The following PPEF1 variants were observed in gnomAD, a reference collection of about 807,000 sequenced individuals.
The protein encoded by PPEF1 is protein phosphatase with EF-hand domain 1.
PPEF1 carries 12 observed loss-of-function variants against 53.3 expected under a neutral mutation model. That is an observed-to-expected ratio of 0.23 (90% confidence interval 0.14 to 0.36). The LOEUF (loss-of-function observed/expected upper bound fraction) is 0.36, where lower values mean the gene tolerates loss of function less well. PPEF1 is among the 10% of genes least tolerant of loss of function. The pLI is 1.00. For missense variants in PPEF1, 334 were observed against 490.4 expected (o/e 0.68, Z 3.01); for synonymous variants, 165 against 176.7 (o/e 0.93, Z 0.52).
upstream of PPEF1, among the ~76,000 whole-genome samples, chrX:18,678,128 C>CAA (rs57502489): frequency 7.6e-3 from 257 of 33,733 alleles, 13 homozygotes; most frequent in African/African-American, 0.032. Context: ...GAGAACCTGG[C>CAA]AAAAAAAAAA....
intron 10 of PPEF1, among the ~76,000 whole-genome samples, chrX:18,795,630 G>A (rs147174224): frequency 0.022 from 2,494 of 111,378 alleles, 61 homozygotes; most frequent in African/African-American, 0.076. Context: ...GAAATTTAGC[G>A]TTTTTCTAAA....
chrX:18,798,796 G>A (rs1037151247), intron 10 of PPEF1, among the ~76,000 whole-genome samples: 39 of 110,583 alleles, frequency 3.5e-4, no homozygotes, highest in Non-Finnish European at 7.6e-5. Context: ...GCTAATTTTT[G>A]TAGTTTTAGT....
At position 18,714,269 on chromosome X, in the gene PPEF1, G is replaced by GTTTTTTTT. The variant is rs752286222; in HGVS notation, c.46+6450_46+6451insTTTTTTTT. Among the ~76,000 whole-genome samples the GTTTTTTTT allele has an allele frequency of 2.9e-4, 18 of 61,938 alleles. 5 individuals carry two copies. The highest frequency in any genetic ancestry group is 3.5e-4 in the Non-Finnish European group (10 of 28,446). The allele number at this position is 61,938 out of a possible 115,157, so 53.8% of individuals were successfully genotyped here. A position where few individuals can be genotyped will look rare whatever the true frequency, so the allele number is the denominator to read the frequency against. On this transcript the variant is annotated intron_variant, in intron 1 of 15. Transcript: ENST00000470157. ...GTGGTACTTGGTAAGTTTGTTTTTCGTTTTTTTGTTTTTTTTTTTTGAGAT... is the reference window on the plus strand; with the variant it reads ...GTGGTACTTGGTAAGTTTGTTTTTCGTTTTTTTTTTTTTTTGTTTTTTTTTTTTGAGAT...
chrX:18,771,855 CTGTA>C (rs1390414802), intron 6 of PPEF1, among the ~76,000 whole-genome samples: 1 of 111,735 alleles, frequency 8.9e-6, no homozygotes, highest in Admixed American at 9.6e-5. Flanking sequence ...TAGCTCATGC[CTGTA>C]ATCCTAGCAC....
rs1569242348 is a variant in PPEF1, at chrX:18,700,243, GTGT to G, written c.-225-89_-225-87del. On this transcript the variant is annotated intron_variant, in intron 5 of 21. Coordinates refer to the PPEF1 transcript ENST00000361511. The stretch of plus-strand genomic sequence containing the variant: ...AAGAGCTCTCTCTGCAGAGTGGGGT[GTGT>G]GTGTGTGTGTGTGTGTGTGTGTGTG... The G allele has an allele frequency of 7.9e-5, 3 of 38,181 alleles. No individual in the cohort carries two copies. The East Asian group carries it at 1.9e-3, about 25-fold the overall frequency. The allele number at this position is 38,181 out of a possible 1,213,427, so 3.1% of individuals were successfully genotyped here.
chrX:18,713,771 G>A (rs1191662070), intron 1 of PPEF1, among the ~76,000 whole-genome samples: 1 of 111,240 alleles, frequency 9.0e-6, no homozygotes, highest in East Asian at 2.8e-4. Flanking sequence ...TGTATTTTTT[G>A]TATATTATAG....
intron 3 of PPEF1, among the ~76,000 whole-genome samples, chrX:18,739,175 C>T (rs975395253): frequency 7.1e-5 from 8 of 112,673 alleles, no homozygotes; most frequent in South Asian, 3.6e-4. Context: ...CCATTGCTGG[C>T]GAGGAGCTGC....
At chrX:18,796,739 A>G (rs1358474674) in intron 10 of PPEF1, among the ~76,000 whole-genome samples, 1 of 111,848 alleles carries the variant, frequency 8.9e-6, no homozygotes, top group Non-Finnish European at 1.9e-5. Flanking sequence ...AATGGAATTC[A>G]TCATTGGCTG....
At chrX:18,700,511 G>A (rs1331688474) in intron 6 of PPEF1, 4 of 109,990 alleles carry the variant, frequency 3.6e-5, no homozygotes, top group East Asian at 5.7e-4. Flanking sequence ...TGTGGCAATG[G>A]AACAGGGAAT....
At chrX:18,726,198 A>G (rs1307288949) in intron 1 of PPEF1, among the ~76,000 whole-genome samples, 2 of 110,154 alleles carry the variant, frequency 1.8e-5, no homozygotes, top group Non-Finnish European at 3.8e-5. Context: ...TACAGAAAAT[A>G]CAAAAATTAG....
At chrX:18,683,881 G>T (rs920744420) in intron 1 of PPEF1, among the ~76,000 whole-genome samples, 1 of 112,228 alleles carries the variant, frequency 8.9e-6, no homozygotes, top group African/African-American at 3.2e-5. Flanking sequence ...AAGAAGGAAG[G>T]TGCCTGGGTC....
intron 12 of PPEF1, among the ~76,000 whole-genome samples, chrX:18,817,695 A>G (rs1473618309): frequency 1.8e-5 from 2 of 111,169 alleles, no homozygotes; most frequent in African/African-American, 6.5e-5. Flanking sequence ...CTCTTGTGTC[A>G]ACATCTGTTG....
intron 4 of PPEF1, chrX:18,691,113 G>A (rs1929351443): frequency 8.9e-6 from 1 of 112,098 alleles, no homozygotes; most frequent in African/African-American, 3.2e-5. Flanking sequence ...AGAGCACTTA[G>A]TGGACCAGGT....
At chrX:18,719,302 T>G (rs1377696713) in intron 1 of PPEF1, among the ~76,000 whole-genome samples, 1 of 110,918 alleles carries the variant, frequency 9.0e-6, no homozygotes, top group East Asian at 2.8e-4. Context: ...GCATCACATT[T>G]TCCTGAACTA....
chrX:18,719,951 A>G (rs1168136377), intron 1 of PPEF1, among the ~76,000 whole-genome samples: 1 of 111,995 alleles, frequency 8.9e-6, no homozygotes, highest in Non-Finnish European at 1.9e-5. Flanking sequence ...AGAAGTTCAC[A>G]TGGACACCAC....
chrX:18,780,772 C>T lies in PPEF1; in HGVS notation c.726-1594C>T, dbSNP rs139756605. 6.7e-3 allele frequency among the ~76,000 whole-genome samples: 736 copies of T among 110,368 alleles called. 5 individuals carry two copies. Among genetic ancestry groups the T allele is most frequent in the African/African-American group, 0.022 (662 of 30,422 alleles). On this transcript the variant is annotated intron_variant, in intron 7 of 15. Coordinates refer to ENST00000470157, the MANE Select transcript of PPEF1 (RefSeq NM_001377996.1). ...TGGGAGAGCTGAAAGAGGAGGGAAT[C>T]GGCCGGGCATGGTAGCTCGCGCCTG...
rs773375576 is a variant in PPEF1, at chrX:18,757,640, A to G, written c.410A>G (p.His137Arg). The G allele has an allele frequency of 3.1e-5, 37 of 1,203,453 alleles. No homozygotes were observed. Among genetic ancestry groups the G allele is most frequent in the Admixed American group, 2.0e-4 (9 of 45,604 alleles). Residue 137 changes from histidine (H) to arginine (R), a missense_variant, in exon 5 of 16, where the codon CAT becomes CGT. Physicochemically the swap from His to Arg is conservative, Grantham distance 29. Coordinates refer to ENST00000470157, the MANE Select transcript of PPEF1 (RefSeq NM_001377996.1). ...TCCCGCTCACAGATACTTCATGCCC[A>G]TTATGTCTTAGAGGTGCTATTTGAA... ...AFKEQQILHA[H>R]YVLEVLFETK...
intron 12 of PPEF1, among the ~76,000 whole-genome samples, chrX:18,813,542 C>T (rs66589833): frequency 0.029 from 3,242 of 110,276 alleles, 112 homozygotes; most frequent in African/African-American, 0.099. Context: ...AATCTGGATC[C>T]CTTGTATTTA....
chrX:18,812,002 A>C (rs777994516), intron 12 of PPEF1, among the ~76,000 whole-genome samples: 1 of 110,718 alleles, frequency 9.0e-6, no homozygotes, highest in South Asian at 3.9e-4. Flanking sequence ...AACATTTTTC[A>C]TTTTGATGAA....
Sources: allele counts gnomAD v4.1 joint callset (sites outside exome capture counted in the v4.1 genomes callset), GRCh38; gene constraint gnomAD v4.1.1; transcripts MANE v1.5; gene names NCBI Gene and HGNC (gene_info 2026-07-23, HGNC 2026-07-21).